Variants in SLC25A21 observed in about 807,000 individuals in gnomAD.
The protein encoded by SLC25A21 is mitochondrial 2-oxodicarboxylate carrier.
A neutral mutation model predicts 43.8 loss-of-function variants in SLC25A21; 47 were observed. The observed-to-expected ratio is 1.07, with a 90% CI of 0.85 to 1.37. SLC25A21 has a LOEUF of 1.37. SLC25A21 is among the 40% of genes most tolerant of loss of function. SLC25A21 has a pLI of 0.00. For missense variants in SLC25A21, 352 were observed against 350.2 expected (o/e 1.00, Z -0.04); for synonymous variants, 131 against 121.3 (o/e 1.08, Z -0.52).
intron 1 of SLC25A21, among the ~76,000 whole-genome samples, chr14:37,104,010 G>A (rs1033137555): frequency 2.0e-5 from 3 of 152,128 alleles, no homozygotes; most frequent in South Asian, 2.1e-4. Context: ...CCCACGGCTC[G>A]TGGACCACTC....
intron 2 of SLC25A21, among the ~76,000 whole-genome samples, chr14:36,837,338 G>A (rs1240263692): frequency 2.6e-5 from 4 of 152,114 alleles, no homozygotes; most frequent in Non-Finnish European, 5.9e-5. Context: ...GAAGGAGGAG[G>A]TGAAGGGCAA....
intron 1 of SLC25A21, among the ~76,000 whole-genome samples, chr14:36,972,352 A>C (rs1317272571): frequency 6.6e-6 from 1 of 152,246 alleles, no homozygotes; most frequent in East Asian, 1.9e-4. Context: ...ATTTCAATAC[A>C]TACATATTTA....
chr14:37,015,654 A>C (rs1042741164), intron 1 of SLC25A21, among the ~76,000 whole-genome samples: 4 of 151,804 alleles, frequency 2.6e-5, no homozygotes, highest in African/African-American at 4.8e-5. Context: ...TTACAGTTCC[A>C]CCAACAGTGT....
At chr14:36,948,078 C>G (rs1313132164) in intron 1 of SLC25A21, among the ~76,000 whole-genome samples, 1 of 152,092 alleles carries the variant, frequency 6.6e-6, no homozygotes, top group Non-Finnish European at 1.5e-5. Flanking sequence ...CTGATAGAAG[C>G]GTGCACACAT....
chr14:36,881,126 G>A (rs542706749), intron 1 of SLC25A21, among the ~76,000 whole-genome samples: 2 of 152,156 alleles, frequency 1.3e-5, no homozygotes, highest in African/African-American at 4.8e-5. Flanking sequence ...ATCAATTCTA[G>A]TCTTACATGA....
At chr14:36,954,205 C>G (rs901201825) in intron 1 of SLC25A21, among the ~76,000 whole-genome samples, 6 of 152,100 alleles carry the variant, frequency 3.9e-5, no homozygotes, top group African/African-American at 1.4e-4. Context: ...TCTGATTGTC[C>G]TTTGTAATTT....
chr14:36,757,292 A>G (rs1885972605), intron 3 of SLC25A21, among the ~76,000 whole-genome samples: 1 of 152,138 alleles, frequency 6.6e-6, no homozygotes, highest in Non-Finnish European at 1.5e-5. Context: ...AAATAATTAC[A>G]AAAAAGTACC....
chr14:37,149,878 T>A (rs999601973), intron 1 of SLC25A21, among the ~76,000 whole-genome samples: 3 of 152,138 alleles, frequency 2.0e-5, no homozygotes, highest in African/African-American at 7.2e-5. Context: ...TTTAAAGACA[T>A]GGGAAAGTTA....
At chr14:36,882,414 ACT>A (rs1890760163) in intron 1 of SLC25A21, among the ~76,000 whole-genome samples, 1 of 151,938 alleles carries the variant, frequency 6.6e-6, no homozygotes, top group South Asian at 2.1e-4. Flanking sequence ...ATCATACAAT[ACT>A]CTGTCTCTCC....
chr14:37,125,372 C>A (rs890550622), intron 1 of SLC25A21, among the ~76,000 whole-genome samples: 1 of 152,194 alleles, frequency 6.6e-6, no homozygotes, highest in Non-Finnish European at 1.5e-5. Context: ...CCACAAGCCC[C>A]TCGTCTTCCA....
chr14:36,775,829 G>A (rs1445174331), intron 3 of SLC25A21, among the ~76,000 whole-genome samples: 2 of 152,074 alleles, frequency 1.3e-5, no homozygotes, highest in Non-Finnish European at 2.9e-5. Context: ...TTTAACAGGT[G>A]CCCTACCCCC....
At chr14:37,125,583 GT>G (rs1963283268) in intron 1 of SLC25A21, among the ~76,000 whole-genome samples, 2 of 152,148 alleles carry the variant, frequency 1.3e-5, no homozygotes, top group South Asian at 4.1e-4. Context: ...GACTTCCCTT[GT>G]TTTTATACAG....
intron 2 of SLC25A21, among the ~76,000 whole-genome samples, chr14:36,852,136 G>A (rs949219964): frequency 6.6e-6 from 1 of 152,022 alleles, no homozygotes; most frequent in Non-Finnish European, 1.5e-5. Flanking sequence ...TGATCCAAAT[G>A]AGCATTCTAT....
intron 3 of SLC25A21, among the ~76,000 whole-genome samples, chr14:36,761,333 G>C (rs1886148895): frequency 1.3e-5 from 2 of 152,218 alleles, no homozygotes; most frequent in African/African-American, 2.4e-5. Context: ...CTTCACGAGA[G>C]CATTCACTTC....
chr14:36,847,990 A>T (rs1200446059), intron 2 of SLC25A21, among the ~76,000 whole-genome samples: 2 of 152,196 alleles, frequency 1.3e-5, no homozygotes, highest in East Asian at 3.9e-4. Flanking sequence ...GAACAGAGGC[A>T]AGGGCAGTGG....
At chr14:36,832,441 T>C (rs1889070967) in intron 2 of SLC25A21, among the ~76,000 whole-genome samples, 1 of 152,176 alleles carries the variant, frequency 6.6e-6, no homozygotes, top group South Asian at 2.1e-4. Flanking sequence ...AAATATCCTA[T>C]TGCTTTGAGG....
At chr14:36,866,759 A>G (rs556490486) in intron 2 of SLC25A21, among the ~76,000 whole-genome samples, 1 of 152,318 alleles carries the variant, frequency 6.6e-6, no homozygotes, top group East Asian at 1.9e-4. Flanking sequence ...AGCATTTGAA[A>G]TGTGGCTTAT....
chr14:36,818,590 T>G (rs767753492), intron 2 of SLC25A21, among the ~76,000 whole-genome samples: 16 of 152,224 alleles, frequency 1.1e-4, no homozygotes, highest in Non-Finnish European at 2.4e-4. Context: ...CTACTGTGTA[T>G]CTCACATACA....
rs115811170 is a variant in SLC25A21, at chr14:37,153,168, G to A, written c.70+19113C>T. Among the ~76,000 whole-genome samples, 837 of 152,272 alleles carry A rather than the reference G, an allele frequency of 5.5e-3. 9 individuals are homozygous for A. Among genetic ancestry groups the A allele is most frequent in the African/African-American group, 0.02 (813 of 41,540 alleles). On this transcript the variant is annotated intron_variant, in intron 1 of 9. Coordinates refer to ENST00000331299, the MANE Select transcript of SLC25A21 (RefSeq NM_030631.4). ...CCTGAAACTAACACAGGAAGTTGAT[G>A]GGAGACGAAGGGACAGGGCTGCTCC...
Sources: gnomAD v4.1 joint callset for allele counts (sites outside exome capture counted in the v4.1 genomes callset) on GRCh38, gnomAD v4.1.1 for gene constraint, MANE v1.5 for transcripts, NCBI Gene and HGNC (gene_info 2026-07-23, HGNC 2026-07-21) for gene names.